The following SCN9A variants were observed in gnomAD, a reference collection of about 807,000 sequenced individuals.
SCN9A encodes the protein sodium channel protein type 9 subunit alpha.
In SCN9A, 131 loss-of-function variants were observed where a neutral mutation model predicts 187.0. That is an observed-to-expected ratio of 0.70 (90% CI 0.61 to 0.81). The LOEUF is 0.81. Among genes scored for constraint, SCN9A ranks in the 30% least tolerant of loss-of-function variants. SCN9A has a pLI of 0.00. For synonymous variants in SCN9A, 809 were observed against 808.6 expected (o/e 1.00, Z -0.01); for missense variants, 2,252 against 2,396.6 (o/e 0.94, Z 1.26).
intron 1 of SCN9A, among the ~76,000 whole-genome samples, chr2:166,338,066 G>T (rs956008270): frequency 2.6e-5 from 4 of 152,048 alleles, no homozygotes; most frequent in Admixed American, 6.6e-5. Flanking sequence ...GCTTTCAAAC[G>T]GAGGAGTAGT....
chr2:166,277,468 A>ATATTCT, intron 15 of SCN9A, 129 bp from the exon 16 acceptor site: 1 of 600,900 alleles, frequency 1.7e-6, no homozygotes, highest in Middle Eastern at 3.7e-4. Flanking sequence ...TCCAGCTAAA[A>ATATTCT]TATTCTTATT....
chr2:166,253,844 A>G (rs1319909052), intron 17 of SCN9A, among the ~76,000 whole-genome samples: 1 of 151,846 alleles, frequency 6.6e-6, no homozygotes, highest in African/African-American at 2.4e-5. Context: ...CCCCCCTGCT[A>G]TTAGACACAA....
At chr2:166,272,122 TTTC>T (rs1357573288) in intron 17 of SCN9A, among the ~76,000 whole-genome samples, 2 of 151,930 alleles carry the variant, frequency 1.3e-5, no homozygotes, top group Non-Finnish European at 2.9e-5. Context: ...CTGTGTAACT[TTTC>T]AACTGACAGG....
intron 1 of SCN9A, among the ~76,000 whole-genome samples, chr2:166,317,749 T>C (rs1007832653): frequency 2.6e-5 from 4 of 152,180 alleles, no homozygotes; most frequent in Admixed American, 1.3e-4. Flanking sequence ...ATGAAAATGG[T>C]CTTATCCCAT....
At chr2:166,329,241 A>G (rs1699438330) in intron 1 of SCN9A, among the ~76,000 whole-genome samples, 2 of 152,158 alleles carry the variant, frequency 1.3e-5, no homozygotes. Flanking sequence ...AAAGTAAAAA[A>G]ATGCCTAAAT....
chr2:166,333,969 A>C (rs1668290489), intron 1 of SCN9A, among the ~76,000 whole-genome samples: 1 of 152,098 alleles, frequency 6.6e-6, no homozygotes. Flanking sequence ...CTTTGTAAGC[A>C]ATGGAGGGCA....
intron 24 of SCN9A, among the ~76,000 whole-genome samples, chr2:166,214,198 G>A (rs1191196332): frequency 6.6e-6 from 1 of 152,080 alleles, no homozygotes; most frequent in Non-Finnish European, 1.5e-5. Context: ...CACCATGCTT[G>A]AGGAATGGCA....
intron 17 of SCN9A, among the ~76,000 whole-genome samples, chr2:166,268,839 A>C (rs1418946205): frequency 6.6e-6 from 1 of 151,978 alleles, no homozygotes. Flanking sequence ...TTTATGAAGA[A>C]GGGTAAACTT....
At chr2:166,366,028 C>T (rs988111249) in intron 1 of SCN9A, among the ~76,000 whole-genome samples, 1 of 152,070 alleles carries the variant, frequency 6.6e-6, no homozygotes, top group Non-Finnish European at 1.5e-5. Flanking sequence ...TTGGAACTGG[C>T]CTGGAGGGAC....
chr2:166,247,649 TGG>T (rs1262915479), intron 18 of SCN9A, among the ~76,000 whole-genome samples: 7 of 152,092 alleles, frequency 4.6e-5, no homozygotes, highest in Admixed American at 3.3e-4. Flanking sequence ...CTTGAGTAGC[TGG>T]GACTACAGGC....
chr2:166,374,874 T>A (rs1341598817), intron 1 of SCN9A, among the ~76,000 whole-genome samples: 1 of 151,970 alleles, frequency 6.6e-6, no homozygotes, highest in Non-Finnish European at 1.5e-5. Context: ...TCATGTAAAT[T>A]GCTCTTAACA....
intron 19 of SCN9A, among the ~76,000 whole-genome samples, chr2:166,239,609 A>G (rs1445065308): frequency 6.6e-6 from 1 of 152,190 alleles, no homozygotes; most frequent in African/African-American, 2.4e-5. Flanking sequence ...ATTGAAGTGC[A>G]GAGGGAGGCT....
Position 166,373,835 on chromosome 2 carries a change from T to C in SCN9A, c.-51+1862A>G, listed in dbSNP as rs187982120. Among the ~76,000 whole-genome samples the C allele has an allele frequency of 3.7e-4, 56 of 152,296 alleles. No homozygotes were observed. In the East Asian group the frequency reaches 0.01, roughly 28 times the overall value. ...AGTACCATATAAATCCTTCTAGCACTTCACACTCTTTTGCATAACTAATAG... is the reference window on the plus strand; with the variant it reads ...AGTACCATATAAATCCTTCTAGCACCTCACACTCTTTTGCATAACTAATAG... On this transcript the variant is annotated intron_variant, in intron 1 of 26. Transcript: ENST00000642356.
intron 1 of SCN9A, among the ~76,000 whole-genome samples, chr2:166,352,867 A>C (rs1181192333): frequency 1.3e-5 from 2 of 152,180 alleles, no homozygotes; most frequent in Non-Finnish European, 2.9e-5. Flanking sequence ...CCAACAATTG[A>C]TAATTGGTAT....
intron 1 of SCN9A, among the ~76,000 whole-genome samples, chr2:166,361,004 G>A (rs1479752621): frequency 2.0e-5 from 3 of 152,150 alleles, no homozygotes; most frequent in Admixed American, 1.3e-4. Flanking sequence ...CAGAGTGAGA[G>A]AGGCATGGGT....
At chr2:166,285,300 A>G (rs1434351022) in intron 11 of SCN9A, among the ~76,000 whole-genome samples, 1 of 152,216 alleles carries the variant, frequency 6.6e-6, no homozygotes, top group Non-Finnish European at 1.5e-5. Flanking sequence ...TTTTAGCACC[A>G]GTTAATTTAT....
chr2:166,326,973 T>C (rs1020047590), intron 1 of SCN9A, among the ~76,000 whole-genome samples: 2 of 152,174 alleles, frequency 1.3e-5, no homozygotes, highest in Non-Finnish European at 2.9e-5. Context: ...AAATATTGTT[T>C]AGCATTGCAA....
At chr2:166,247,129 G>A (rs1417638209) in intron 18 of SCN9A, among the ~76,000 whole-genome samples, 4 of 111,514 alleles carry the variant, frequency 3.6e-5, no homozygotes, top group South Asian at 3.0e-4. Flanking sequence ...AGTCTATGCT[G>A]AGTTTCATCA....
At chr2:166,322,340 C>T (rs1699265431) in intron 1 of SCN9A, among the ~76,000 whole-genome samples, 1 of 152,108 alleles carries the variant, frequency 6.6e-6, no homozygotes, top group South Asian at 2.1e-4. Flanking sequence ...CCATACAGAA[C>T]AATTCACACT....
Sources: allele counts gnomAD v4.1 joint callset (sites outside exome capture counted in the v4.1 genomes callset), GRCh38; gene constraint gnomAD v4.1.1; transcripts MANE v1.5; gene names NCBI Gene and HGNC (gene_info 2026-07-23, HGNC 2026-07-21).